C1QTNF7: variants seen among roughly 807,000 people sequenced by gnomAD.
C1QTNF7 encodes complement C1q tumor necrosis factor-related protein 7.
In C1QTNF7, 15 loss-of-function variants were observed where a neutral mutation model predicts 19.6. The ratio of observed to expected loss-of-function variants is 0.76; its 90% CI spans 0.51 to 1.18. The LOEUF (loss-of-function observed/expected upper bound fraction) is 1.18. Ranked by LOEUF, C1QTNF7 falls within the 50% of genes most tolerant of loss-of-function variation. The pLI, the probability that C1QTNF7 is intolerant of heterozygous loss-of-function variation, is 0.00. For missense variants in C1QTNF7, 324 were observed against 359.7 expected, an observed-to-expected ratio of 0.90 and a Z score of 0.80; for synonymous variants, 142 against 137.5, an observed-to-expected ratio of 1.03 and a Z score of -0.23.
intron 1 of C1QTNF7, among the ~76,000 whole-genome samples, chr4:15,361,668 G>A (rs976697010): frequency 8.5e-5 from 13 of 152,102 alleles, no homozygotes; most frequent in Non-Finnish European, 1.6e-4. Flanking sequence ...GTCAGATTTC[G>A]TTAATATGGT....
chr4:15,408,204 G>C (rs1577263514), intron 1 of C1QTNF7, among the ~76,000 whole-genome samples: 2 of 150,578 alleles, frequency 1.3e-5, no homozygotes, highest in African/African-American at 2.4e-5. Flanking sequence ...ACCCAGGGGT[G>C]GAGGTTGCAG....
At chr4:15,410,362 C>G (rs1339575944) in intron 1 of C1QTNF7, among the ~76,000 whole-genome samples, 7 of 152,166 alleles carry the variant, frequency 4.6e-5, no homozygotes, top group South Asian at 4.1e-4. Flanking sequence ...TTCTGCCAGG[C>G]TGTTAACGTG....
intron 2 of C1QTNF7, 103 bp from the exon 3 acceptor site, chr4:15,442,065 G>A (rs1577286929): frequency 1.5e-6 from 2 of 1,292,568 alleles, no homozygotes; most frequent in East Asian, 2.3e-5. Flanking sequence ...GTTAAATGTT[G>A]CCTGAAAAGA....
chr4:15,396,859 C>T (rs1360343832), intron 1 of C1QTNF7, among the ~76,000 whole-genome samples: 2 of 152,142 alleles, frequency 1.3e-5, no homozygotes, highest in Non-Finnish European at 2.9e-5. Flanking sequence ...GGGACACAGG[C>T]AACTCAGGGG....
At chr4:15,379,396 C>T (rs925806486) in intron 1 of C1QTNF7, among the ~76,000 whole-genome samples, 1 of 152,158 alleles carries the variant, frequency 6.6e-6, no homozygotes, top group African/African-American at 2.4e-5. Context: ...ACTTTTATGA[C>T]AAATAATATT....
chr4:15,348,683 A>T (rs544716381), intron 1 of C1QTNF7, among the ~76,000 whole-genome samples: 1 of 152,188 alleles, frequency 6.6e-6, no homozygotes, highest in South Asian at 2.1e-4. Context: ...AGGTCTTCAG[A>T]TTTTTCAAGA....
intron 1 of C1QTNF7, among the ~76,000 whole-genome samples, chr4:15,386,838 A>G (rs868309502): frequency 3.3e-5 from 5 of 152,142 alleles, no homozygotes; most frequent in African/African-American, 1.2e-4. Context: ...GAAGTAGAAT[A>G]TGATGTAGAC....
intron 1 of C1QTNF7, among the ~76,000 whole-genome samples, chr4:15,377,193 C>T (rs1236699652): frequency 1.3e-5 from 2 of 152,114 alleles, no homozygotes; most frequent in African/African-American, 4.8e-5. Flanking sequence ...TATGACCTAA[C>T]CTGAAGAAGG....
In C1QTNF7 at chr4:15,445,109, T is replaced by G. The variant is rs1333279214; in HGVS notation, c.*2310T>G. 1 of 152,254 alleles carries G rather than the reference T, an allele frequency of 6.6e-6. No homozygotes were observed. Among genetic ancestry groups the G allele is most frequent in the African/African-American group, 2.4e-5 (1 of 41,454 alleles). The allele number at this position is 152,254 out of a possible 1,614,324, so 9.4% of individuals were successfully genotyped here. A position where few individuals can be genotyped will look rare whatever the true frequency, so the allele number is the denominator to read the frequency against. ...TTGTCTTCATCTTCCTGCCATACTT[T>G]GTGCACTTATTGCTCTCCTTCTGAG... is the stretch of plus-strand genomic sequence containing the variant. On this transcript the variant is annotated 3_prime_UTR_variant, in exon 3 of 3. Coordinates refer to ENST00000444304, the MANE Select transcript of C1QTNF7 (RefSeq NM_031911.5).
chr4:15,360,485 G>T (rs1717299571), intron 1 of C1QTNF7, among the ~76,000 whole-genome samples: 1 of 152,118 alleles, frequency 6.6e-6, no homozygotes, highest in Non-Finnish European at 1.5e-5. Flanking sequence ...TGTAACTCAT[G>T]CCTGAACGGA....
At chr4:15,394,243 A>G (rs950237202) in intron 1 of C1QTNF7, among the ~76,000 whole-genome samples, 1 of 152,222 alleles carries the variant, frequency 6.6e-6, no homozygotes, top group African/African-American at 2.4e-5. Context: ...AGAGGAGCTG[A>G]AGTTGGGGTG....
chr4:15,442,949 C>T lies in C1QTNF7; in HGVS notation c.*150C>T, dbSNP rs1481627466. On this transcript the variant is annotated 3_prime_UTR_variant, in exon 3 of 3. Transcript: ENST00000444304. ...CAGAATTTATCAAAACAAGATGAAA[C>T]ACAGAAAAGTTGAAACCACAACAAA... is the stretch of plus-strand genomic sequence containing the variant. 8.8e-6 allele frequency: 7 copies of T among 797,644 alleles called. No homozygotes were observed. The East Asian group carries it at 2.0e-4, about 23-fold the overall frequency. The allele number at this position is 797,644 out of a possible 1,614,324, so 49.4% of individuals were successfully genotyped here.
At chr4:15,376,791 A>G (rs1441250029) in intron 1 of C1QTNF7, among the ~76,000 whole-genome samples, 2 of 152,184 alleles carry the variant, frequency 1.3e-5, no homozygotes, top group Non-Finnish European at 2.9e-5. Flanking sequence ...TGGCCTTCTA[A>G]ATAAACATTA....
At chr4:15,351,060 T>A (rs1387755922) in intron 1 of C1QTNF7, among the ~76,000 whole-genome samples, 2 of 152,184 alleles carry the variant, frequency 1.3e-5, no homozygotes, top group Non-Finnish European at 2.9e-5. Flanking sequence ...AAAATGAAGA[T>A]AATAGTATCC....
At chr4:15,426,559 G>T (rs77321165), upstream of C1QTNF7, among the ~76,000 whole-genome samples, 1 of 152,070 alleles carries the variant, frequency 6.6e-6, no homozygotes, top group Non-Finnish European at 1.5e-5. Context: ...TATTTTATGT[G>T]GTAAGTAACA....
At chr4:15,372,789 G>A (rs965195673) in intron 1 of C1QTNF7, among the ~76,000 whole-genome samples, 1 of 152,028 alleles carries the variant, frequency 6.6e-6, no homozygotes, top group Non-Finnish European at 1.5e-5. Context: ...TTTTCTCTTT[G>A]TTCTTCATTC....
upstream of C1QTNF7, among the ~76,000 whole-genome samples, chr4:15,426,389 T>A (rs569526562): frequency 4.6e-5 from 7 of 152,224 alleles, no homozygotes; most frequent in Non-Finnish European, 1.0e-4. Context: ...TCAGAGACAT[T>A]TTCAAAGGTT....
upstream of C1QTNF7, among the ~76,000 whole-genome samples, chr4:15,426,980 A>C (rs191234779): frequency 6.6e-6 from 1 of 152,354 alleles, no homozygotes; most frequent in African/African-American, 2.4e-5. Flanking sequence ...CTAATTTAGC[A>C]ATAAGTTATG....
chr4:15,422,542 C>T (rs904454994), intron 1 of C1QTNF7, among the ~76,000 whole-genome samples: 11 of 152,164 alleles, frequency 7.2e-5, no homozygotes, highest in Non-Finnish European at 1.6e-4. Flanking sequence ...TTCCAAATAG[C>T]TCAGTGGGTA....
Sources: allele counts gnomAD v4.1 joint callset (sites outside exome capture counted in the v4.1 genomes callset), GRCh38; gene constraint gnomAD v4.1.1; transcripts MANE v1.5; gene names NCBI Gene and HGNC (gene_info 2026-07-23, HGNC 2026-07-21).